The following ERBB4 variants were observed in gnomAD, a reference collection of about 807,000 sequenced individuals.
ERBB4 encodes erb-b2 receptor tyrosine kinase 4, also known as receptor tyrosine-protein kinase erbB-4.
In ERBB4, 42 loss-of-function variants were observed where a neutral mutation model predicts 158.0. The observed-to-expected ratio is 0.27, with a 90% CI of 0.21 to 0.34. The LOEUF is 0.34. Among genes scored for constraint, ERBB4 ranks in the 10% least tolerant of loss-of-function variants. The probability of loss-of-function intolerance (pLI) is 1.00; values close to 1 mark genes in which losing one functional copy is unlikely to be tolerated. For missense variants in ERBB4, 1,333 were observed against 1,624.1 expected (o/e 0.82, Z 3.08); for synonymous variants, 583 against 558.7 (o/e 1.04, Z -0.61).
chr2:211,559,420 A>AG (rs2067325492), intron 20 of ERBB4, among the ~76,000 whole-genome samples: 1 of 152,194 alleles, frequency 6.6e-6, no homozygotes, highest in East Asian at 1.9e-4. Context: ...CTGGGTAACC[A>AG]TATAATATGT....
At chr2:211,837,822 A>T (rs1211296302) in intron 3 of ERBB4, among the ~76,000 whole-genome samples, 1 of 152,262 alleles carries the variant, frequency 6.6e-6, no homozygotes, top group African/African-American at 2.4e-5. Flanking sequence ...TGTTCCAGGT[A>T]TTATACAGGG....
chr2:212,090,861 T>C (rs2078753970), intron 2 of ERBB4, among the ~76,000 whole-genome samples: 1 of 152,204 alleles, frequency 6.6e-6, no homozygotes. Context: ...GTCCACTATC[T>C]TTAGTGATTT....
chr2:211,418,111 T>TATC (rs2063434079), intron 25 of ERBB4, among the ~76,000 whole-genome samples: 1 of 151,964 alleles, frequency 6.6e-6, no homozygotes. Flanking sequence ...TTTCAAAGTC[T>TATC]ATCACATATG....
At chr2:212,349,649 C>G (rs2106337894) in intron 1 of ERBB4, among the ~76,000 whole-genome samples, 1 of 152,118 alleles carries the variant, frequency 6.6e-6, no homozygotes, top group Middle Eastern at 3.4e-3. Flanking sequence ...TTTTTATTTC[C>G]TGGATGCAAG....
At chr2:212,388,623 A>G (rs940039587) in intron 1 of ERBB4, among the ~76,000 whole-genome samples, 1 of 152,118 alleles carries the variant, frequency 6.6e-6, no homozygotes, top group Non-Finnish European at 1.5e-5. Context: ...TCAGGCATCA[A>G]AAAAATGGAC....
chr2:211,942,504 G>A (rs924840175), intron 3 of ERBB4, among the ~76,000 whole-genome samples: 1 of 151,994 alleles, frequency 6.6e-6, no homozygotes, highest in African/African-American at 2.4e-5. Flanking sequence ...CCGCAGGCAT[G>A]TGCCATCAAG....
intron 1 of ERBB4, among the ~76,000 whole-genome samples, chr2:212,316,142 C>CT (rs928370374): frequency 6.6e-6 from 1 of 151,388 alleles, no homozygotes; most frequent in Non-Finnish European, 1.5e-5. Flanking sequence ...CACAGACCAC[C>CT]TTTTTTTCCT....
chr2:211,523,821 G>C (rs1316806503), intron 20 of ERBB4, among the ~76,000 whole-genome samples: 1 of 152,092 alleles, frequency 6.6e-6, no homozygotes, highest in Non-Finnish European at 1.5e-5. Context: ...TTGCTGGCTT[G>C]GGCAGCCTGC....
intron 16 of ERBB4, among the ~76,000 whole-genome samples, chr2:211,651,737 T>C (rs1029884651): frequency 2.0e-5 from 3 of 152,154 alleles, no homozygotes; most frequent in Non-Finnish European, 2.9e-5. Flanking sequence ...GGAATACACA[T>C]GGCTGGCTAA....
At chr2:212,314,560 T>TA (rs1447096924) in intron 1 of ERBB4, among the ~76,000 whole-genome samples, 7 of 151,082 alleles carry the variant, frequency 4.6e-5, no homozygotes, top group East Asian at 3.9e-4. Context: ...TATAGAATTT[T>TA]AAAAAAAATC....
chr2:212,018,885 G>A (rs773798252), intron 2 of ERBB4, among the ~76,000 whole-genome samples: 2 of 152,060 alleles, frequency 1.3e-5, no homozygotes, highest in African/African-American at 2.4e-5. Context: ...ATTTACAAAG[G>A]CATGCACAAA....
intron 3 of ERBB4, among the ~76,000 whole-genome samples, chr2:211,837,899 T>C (rs1260802832): frequency 6.6e-6 from 1 of 152,080 alleles, no homozygotes; most frequent in African/African-American, 2.4e-5. Flanking sequence ...ACTCATATTC[T>C]TGAAGAAACT....
intron 2 of ERBB4, among the ~76,000 whole-genome samples, chr2:212,035,579 T>C (rs576131542): frequency 6.6e-6 from 1 of 152,322 alleles, no homozygotes; most frequent in African/African-American, 2.4e-5. Context: ...TCTTCACCCA[T>C]GTCACACTGT....
chr2:211,416,772 C>T (rs1204701965), intron 25 of ERBB4, among the ~76,000 whole-genome samples: 2 of 152,026 alleles, frequency 1.3e-5, no homozygotes. Flanking sequence ...ATAGCTTCCC[C>T]AGGCCAACAG....
intron 1 of ERBB4, among the ~76,000 whole-genome samples, chr2:212,208,499 T>C (rs1339809564): frequency 6.6e-6 from 1 of 152,146 alleles, no homozygotes; most frequent in Non-Finnish European, 1.5e-5. Context: ...GGCAAGAGAT[T>C]ATATTGGAAT....
intron 2 of ERBB4, among the ~76,000 whole-genome samples, chr2:212,077,546 A>G (rs2078309894): frequency 6.6e-6 from 1 of 152,018 alleles, no homozygotes; most frequent in African/African-American, 2.4e-5. Context: ...ACAAAAGAAT[A>G]CATATTATTA....
intron 1 of ERBB4, among the ~76,000 whole-genome samples, chr2:212,521,517 C>T (rs1306842707): frequency 9.2e-5 from 14 of 151,760 alleles, no homozygotes; most frequent in South Asian, 2.1e-4. Flanking sequence ...TCATATTTAA[C>T]GTTTTCTAAC....
At chr2:212,019,157 G>A (rs1300628377) in intron 2 of ERBB4, among the ~76,000 whole-genome samples, 2 of 152,134 alleles carry the variant, frequency 1.3e-5, no homozygotes, top group African/African-American at 4.8e-5. Flanking sequence ...TAGAATATCT[G>A]AGAAATTAGC....
chr2:211,723,335 T>C (rs2074164170), intron 6 of ERBB4, among the ~76,000 whole-genome samples: 1 of 152,118 alleles, frequency 6.6e-6, no homozygotes, highest in African/African-American at 2.4e-5. Context: ...CATATAAACA[T>C]GTGATTAACA....
Sources: gnomAD v4.1 joint callset for allele counts (sites outside exome capture counted in the v4.1 genomes callset) on GRCh38, gnomAD v4.1.1 for gene constraint, MANE v1.5 for transcripts, NCBI Gene and HGNC (gene_info 2026-07-23, HGNC 2026-07-21) for gene names.